ALKAL1: variants seen among roughly 807,000 people sequenced by gnomAD.
ALKAL1 encodes the protein ALK and LTK ligand 1.
A neutral mutation model predicts 13.5 loss-of-function variants in ALKAL1; 23 were observed. The observed-to-expected ratio is 1.70, with a 90% confidence interval of 1.23 to 2.41. The LOEUF is 2.41. ALKAL1 is among the 30% of genes most tolerant of loss of function. The probability of loss-of-function intolerance (pLI) is 0.00; values close to 1 mark genes in which losing one functional copy is unlikely to be tolerated. For synonymous variants in ALKAL1, 85 were observed against 77.7 expected (o/e 1.09, Z -0.49); for missense variants, 181 against 178.4 (o/e 1.01, Z -0.08).
intron 3 of ALKAL1, among the ~76,000 whole-genome samples, chr8:52,539,401 T>C (rs1390156361): frequency 6.6e-6 from 1 of 152,192 alleles, no homozygotes; most frequent in Non-Finnish European, 1.5e-5. Flanking sequence ...CTATCATTAC[T>C]CAGAAAAATC....
At chr8:52,556,646 C>CA (rs59483863) in intron 1 of ALKAL1, among the ~76,000 whole-genome samples, 35,791 of 51,226 alleles carry the variant, frequency 0.7, 13,156 homozygotes, top group East Asian at 0.77. Flanking sequence ...AACTCTGTCT[C>CA]AAAAAAAAAA....
intron 1 of ALKAL1, among the ~76,000 whole-genome samples, chr8:52,547,545 C>G (rs1380013976): frequency 1.3e-5 from 2 of 151,982 alleles, no homozygotes; most frequent in African/African-American, 4.8e-5. Context: ...AAAAAGAAAA[C>G]TCCCCGCAAA....
In ALKAL1 at chr8:52,565,130, T is replaced by C; in HGVS notation, c.127A>G (p.Lys43Glu). ...RGARVTDKEP[K>E]PLLFLPAAGA... Reference sequence around the variant, plus strand: ...GCCGCGGGGAGGAAAAGCAACGGCTTGGGCTCCTTATCCGTGACGCGCGCT... The same window carrying C: ...GCCGCGGGGAGGAAAAGCAACGGCTCGGGCTCCTTATCCGTGACGCGCGCT... Residue 43 changes from lysine (K) to glutamate (E), a missense_variant, in exon 1 of 5, where the codon AAG (lysine) becomes GAG (glutamate). By Grantham distance (56) the Lys-to-Glu change is moderately conservative. Coordinates refer to ENST00000358543, the MANE Select transcript of ALKAL1 (RefSeq NM_207413.4). The C allele has an allele frequency of 2.1e-6, 3 of 1,417,974 alleles. No individual in the cohort carries two copies. The highest frequency in any genetic ancestry group is 2.8e-6 in the Non-Finnish European group (3 of 1,079,838). 87.8% of individuals were successfully genotyped at this position (1,417,974 alleles called of 1,614,324 possible).
chr8:52,538,537 T>C (rs760673860), intron 3 of ALKAL1, 30 bp from the exon 4 acceptor site: 9 of 1,415,220 alleles, frequency 6.4e-6, no homozygotes, highest in Non-Finnish European at 8.9e-6. Flanking sequence ...GTAAATTATA[T>C]ATAGAGTTAC....
intron 1 of ALKAL1, among the ~76,000 whole-genome samples, chr8:52,553,016 T>C (rs1847444294): frequency 6.6e-6 from 1 of 152,202 alleles, no homozygotes; most frequent in Non-Finnish European, 1.5e-5. Context: ...GATTTTTATA[T>C]ATCCAGTGTT....
In ALKAL1 at chr8:52,548,120, C is replaced by T. The variant is rs940074394; in HGVS notation, c.191-5675G>A. On this transcript the variant is annotated intron_variant, in intron 1 of 4. Coordinates refer to ENST00000358543, the MANE Select transcript of ALKAL1 (RefSeq NM_207413.4). ...TCTCGGCACTTTGGGAGGCCGAGGC[C>T]GGTGGATCGCCTGAGGTCAGGAGTT... is the stretch of plus-strand genomic sequence containing the variant. Among the ~76,000 whole-genome samples, 11 of 152,126 alleles carry T rather than the reference C, an allele frequency of 7.2e-5. No individual in the cohort carries two copies. In the South Asian group the frequency reaches 1.0e-3, roughly 14 times the overall value.
intron 1 of ALKAL1, among the ~76,000 whole-genome samples, chr8:52,546,919 T>C (rs144339649): frequency 1.5e-4 from 23 of 151,498 alleles, no homozygotes; most frequent in South Asian, 2.1e-4. Context: ...ATATTGACTA[T>C]GTGGCCCTTT....
At chr8:52,538,545 T>G in intron 3 of ALKAL1, 38 bp from the exon 4 acceptor site, 3 of 1,293,238 alleles carry the variant, frequency 2.3e-6, no homozygotes, top group Non-Finnish European at 3.3e-6. Flanking sequence ...TATATAGAGT[T>G]ACTAGAAATG....
chr8:52,543,421 C>A (rs1328236481), intron 1 of ALKAL1, among the ~76,000 whole-genome samples: 1 of 152,174 alleles, frequency 6.6e-6, no homozygotes, highest in Non-Finnish European at 1.5e-5. Context: ...CTGTTCCTTA[C>A]ATGCCATGAG....
chr8:52,534,855 C>T (rs1451223997), intron 4 of ALKAL1, among the ~76,000 whole-genome samples: 3 of 152,174 alleles, frequency 2.0e-5, no homozygotes, highest in Non-Finnish European at 4.4e-5. Context: ...AAGAACTTGA[C>T]ATCTTGTAAA....
chr8:52,563,771 G>A (rs1847573023), intron 1 of ALKAL1, among the ~76,000 whole-genome samples: 1 of 152,164 alleles, frequency 6.6e-6, no homozygotes, highest in African/African-American at 2.4e-5. Flanking sequence ...GCTCTGCCCG[G>A]GTTGTCCACA....
intron 4 of ALKAL1, among the ~76,000 whole-genome samples, chr8:52,538,155 C>A (rs1218570240): frequency 2.7e-5 from 4 of 150,738 alleles, no homozygotes; most frequent in Non-Finnish European, 2.9e-5. Context: ...TGAACTACAG[C>A]GAGACATGAG....
intron 1 of ALKAL1, among the ~76,000 whole-genome samples, chr8:52,555,442 A>T (rs1847473196): frequency 6.6e-6 from 1 of 152,184 alleles, no homozygotes; most frequent in Non-Finnish European, 1.5e-5. Flanking sequence ...CAGAGACAGG[A>T]CACAGGTTTA....
intron 1 of ALKAL1, 46 bp from the exon 2 acceptor site, chr8:52,542,491 C>T (rs892620187): frequency 8.3e-7 from 1 of 1,202,484 alleles, no homozygotes; most frequent in African/African-American, 1.5e-5. Context: ...ATGCATTTCT[C>T]CCATTTAAAA....
At chr8:52,538,824 C>A (rs1410919827) in intron 3 of ALKAL1, among the ~76,000 whole-genome samples, 3 of 152,086 alleles carry the variant, frequency 2.0e-5, no homozygotes, top group African/African-American at 4.8e-5. Flanking sequence ...TGCCTGTAAT[C>A]CAATGTGATT....
Position 52,565,107 on chromosome 8 carries a change from C to G in ALKAL1, c.150G>C (p.Ala50=). ...KEPKPLLFLP[A]AGAGRTPSGS... is the part of the protein sequence containing the mutation. ...CGCTGGGAGTCCGGCCGGCCCCGGC[C>G]GCGGGGAGGAAAAGCAACGGCTTGG... The change falls in exon 1 of 5, where the codon GCG becomes GCC. Residue 50 remains alanine, a synonymous_variant. Transcript: ENST00000358543. The G allele has an allele frequency of 1.4e-6, 2 of 1,414,524 alleles. No individual in the cohort carries two copies. Among genetic ancestry groups the G allele is most frequent in the Non-Finnish European group, 1.9e-6 (2 of 1,078,502 alleles). The allele number at this position is 1,414,524 out of a possible 1,614,324, so 87.6% of individuals were successfully genotyped here. A position where few individuals can be genotyped will look rare whatever the true frequency, so the allele number is the denominator to read the frequency against.
In ALKAL1 at chr8:52,565,168, C is replaced by A; in HGVS notation, c.89G>T (p.Arg30Leu). 2 of 1,389,520 alleles carry A rather than the reference C, an allele frequency of 1.4e-6. No individual in the cohort carries two copies. Among genetic ancestry groups the A allele is most frequent in the African/African-American group, 1.5e-5 (1 of 65,954 alleles). 86.1% of individuals were successfully genotyped at this position (1,389,520 alleles called of 1,614,324 possible). A position where few individuals can be genotyped will look rare whatever the true frequency, so the allele number is the denominator to read the frequency against. The change falls in exon 1 of 5, where the codon CGG (arginine) becomes CTG (leucine). Residue 30 changes from arginine (R) to leucine (L), a missense_variant. By Grantham distance (102) the Arg-to-Leu change is moderately radical. Coordinates refer to ENST00000358543, the MANE Select transcript of ALKAL1 (RefSeq NM_207413.4). ...LSPHGAHGRP[R>L]GRRGARVTDK... The stretch of plus-strand genomic sequence containing the variant: ...CGTGACGCGCGCTCCCCTGCGCCCC[C>A]GGGGCCTCCCGTGGGCTCCGTGCGG...
intron 1 of ALKAL1, among the ~76,000 whole-genome samples, chr8:52,545,070 C>G (rs1402293961): frequency 3.3e-5 from 5 of 152,052 alleles, no homozygotes; most frequent in Admixed American, 3.3e-4. Flanking sequence ...CACGAGCCAC[C>G]AAACCCAGCA....
chr8:52,565,214 G>C lies in ALKAL1; in HGVS notation c.43C>G (p.Leu15Val). ...KPGAPLPALF[L>V]LALALSPHGA... is the part of the protein sequence containing the mutation. ...TGCGGGGACAAAGCCAGCGCCAGCAGGAAGAGTGCGGGCAAAGGGGCGCCG... is the reference window on the plus strand; with the variant it reads ...TGCGGGGACAAAGCCAGCGCCAGCACGAAGAGTGCGGGCAAAGGGGCGCCG... The change falls in exon 1 of 5, where the codon CTG becomes GTG. Residue 15 changes from leucine to valine, a missense_variant. By Grantham distance (32) the Leu-to-Val change is conservative (BLOSUM62 1). Transcript: ENST00000358543. 7.5e-7 allele frequency: 1 copy of C among 1,336,178 alleles called. No homozygotes were observed. 82.8% of individuals were successfully genotyped at this position (1,336,178 alleles called of 1,614,324 possible).
Sources: allele counts gnomAD v4.1 joint callset (sites outside exome capture counted in the v4.1 genomes callset), GRCh38; gene constraint gnomAD v4.1.1; transcripts MANE v1.5; gene names NCBI Gene and HGNC (gene_info 2026-07-23, HGNC 2026-07-21).